Variants in NINJ2 observed in about 807,000 individuals in gnomAD.
The protein encoded by NINJ2 is ninjurin-2.
NINJ2 carries 12 observed loss-of-function variants against 11.7 expected under a neutral mutation model. The ratio of observed to expected loss-of-function variants is 1.02; its 90% CI spans 0.66 to 1.66. The LOEUF (loss-of-function observed/expected upper bound fraction) is 1.66, where lower values mean the gene tolerates loss of function less well. Ranked by LOEUF, NINJ2 falls within the 40% of genes most tolerant of loss-of-function variation. The pLI is 0.00. For missense variants in NINJ2, 187 were observed against 181.8 expected (o/e 1.03, Z -0.16); for synonymous variants, 93 against 76.8 (o/e 1.21, Z -1.10).
At chr12:576,515 G>A (rs1947463536) in intron 1 of NINJ2, among the ~76,000 whole-genome samples, 1 of 152,228 alleles carries the variant, frequency 6.6e-6, no homozygotes, top group Non-Finnish European at 1.5e-5. Context: ...GTTTTCTTGG[G>A]GCAGGCCCTT....
intron 1 of NINJ2, among the ~76,000 whole-genome samples, chr12:630,533 C>G (rs959135146): frequency 6.6e-6 from 1 of 152,102 alleles, no homozygotes; most frequent in East Asian, 1.9e-4. Context: ...GGCCACCACG[C>G]CTGGCTAATT....
intron 1 of NINJ2, among the ~76,000 whole-genome samples, chr12:625,224 C>T (rs577602645): frequency 2.0e-5 from 3 of 151,510 alleles, no homozygotes; most frequent in African/African-American, 4.8e-5. Context: ...GTTGGAGAGA[C>T]AAAGATGAGG....
At chr12:649,130 T>C (rs1375470068) in intron 1 of NINJ2, among the ~76,000 whole-genome samples, 1 of 151,790 alleles carries the variant, frequency 6.6e-6, no homozygotes, top group Non-Finnish European at 1.5e-5. Flanking sequence ...CACTGCAACC[T>C]CCGCCTCCCG....
chr12:610,583 C>T, intron 1 of NINJ2: 1 of 985,316 alleles, frequency 1.0e-6, no homozygotes, highest in Non-Finnish European at 1.2e-6. Flanking sequence ...CTGCTCTGAG[C>T]GACTCTGTTC....
chr12:609,837 G>C (rs1461828599), intron 1 of NINJ2, among the ~76,000 whole-genome samples: 1 of 150,884 alleles, frequency 6.6e-6, no homozygotes, highest in Non-Finnish European at 1.5e-5. Flanking sequence ...AGCTACTGAG[G>C]AGGCTCAGGC....
chr12:581,468 A>G lies in NINJ2; in HGVS notation c.34-15290T>C, dbSNP rs946401810. ...CTGGGCCTGGAACCAGCCTGCCTGGATTGCCTGGCCCTAGGACTCATGCCT... is the reference window on the plus strand; with the variant it reads ...CTGGGCCTGGAACCAGCCTGCCTGGGTTGCCTGGCCCTAGGACTCATGCCT... On this transcript the variant is annotated intron_variant, in intron 1 of 3. Coordinates refer to ENST00000305108, the MANE Select transcript of NINJ2 (RefSeq NM_016533.6). This position sits in a 1 kb window ranked among gnomAD's most constrained non-coding sequence, Gnocchi z 4.9. Among the ~76,000 whole-genome samples the G allele has an allele frequency of 1.3e-5, 2 of 152,114 alleles. No individual in the cohort carries two copies. Among genetic ancestry groups the G allele is most frequent in the Non-Finnish European group, 2.9e-5 (2 of 68,012 alleles).
At chr12:579,128 G>C (rs1280466295) in intron 1 of NINJ2, among the ~76,000 whole-genome samples, 1 of 152,174 alleles carries the variant, frequency 6.6e-6, no homozygotes, top group East Asian at 1.9e-4. Flanking sequence ...TTTCCAAAAG[G>C]TAAGAGTTAT....
At chr12:572,674 AG>A (rs2120801415) in intron 1 of NINJ2, among the ~76,000 whole-genome samples, 1 of 152,260 alleles carries the variant, frequency 6.6e-6, no homozygotes, top group East Asian at 1.9e-4. Flanking sequence ...TGGCTGGCAC[AG>A]GGTTAAACAC....
chr12:594,420 A>G (rs1947756497), intron 1 of NINJ2, among the ~76,000 whole-genome samples: 1 of 152,204 alleles, frequency 6.6e-6, no homozygotes, highest in Non-Finnish European at 1.5e-5. Context: ...ATAAAAATGA[A>G]CTACTTACAT....
At chr12:599,724 A>C (rs1247903030) in intron 1 of NINJ2, among the ~76,000 whole-genome samples, 1 of 152,176 alleles carries the variant, frequency 6.6e-6, no homozygotes, top group African/African-American at 2.4e-5. Context: ...GCAAGTCTGG[A>C]AGTGCGGAGG....
At position 585,192 on chromosome 12, in the gene NINJ2, T is replaced by C. The variant is rs1384513789; in HGVS notation, c.34-19014A>G. ...TTCCACCGCCATGAAATGGAGGCTGTCTCTGCAGTGACCTTCACCTGCCGC... is the reference window on the plus strand; with the variant it reads ...TTCCACCGCCATGAAATGGAGGCTGCCTCTGCAGTGACCTTCACCTGCCGC... On this transcript the variant is annotated intron_variant, in intron 1 of 3. Transcript: ENST00000305108. The surrounding 1 kb of genome is among the most constrained non-coding windows in gnomAD (Gnocchi z 4.1). Among the ~76,000 whole-genome samples the C allele has an allele frequency of 6.6e-6, 1 of 152,236 alleles. No individual in the cohort carries two copies. Among genetic ancestry groups the C allele is most frequent in the Non-Finnish European group, 1.5e-5 (1 of 68,044 alleles).
chr12:620,098 C>T (rs1327139270), intron 1 of NINJ2, among the ~76,000 whole-genome samples: 4 of 152,184 alleles, frequency 2.6e-5, no homozygotes, highest in African/African-American at 9.7e-5. Flanking sequence ...AGCCCTAAAG[C>T]GTCCTTTCAT....
chr12:618,633 CCT>C (rs1948120441), intron 1 of NINJ2, among the ~76,000 whole-genome samples: 1 of 152,194 alleles, frequency 6.6e-6, no homozygotes. Context: ...GGCCCAGGGC[CCT>C]CTCAGTCATG....
At chr12:638,348 T>C (rs958422554) in intron 1 of NINJ2, among the ~76,000 whole-genome samples, 4 of 152,252 alleles carry the variant, frequency 2.6e-5, no homozygotes, top group African/African-American at 9.6e-5. Context: ...ATACGTTGTG[T>C]TGTTATTTCC....
intron 1 of NINJ2, among the ~76,000 whole-genome samples, chr12:626,353 A>C (rs1433925264): frequency 6.6e-6 from 1 of 152,218 alleles, no homozygotes; most frequent in Non-Finnish European, 1.5e-5. Flanking sequence ...AGGTAGTGGG[A>C]GCTAAGAGTT....
chr12:634,617 C>T (rs1948325798), intron 1 of NINJ2, among the ~76,000 whole-genome samples: 1 of 152,098 alleles, frequency 6.6e-6, no homozygotes, highest in Non-Finnish European at 1.5e-5. Flanking sequence ...TCAGTCTCCT[C>T]CCAATCCTGA....
chr12:610,801 T>G (rs1948019351), intron 1 of NINJ2: 1 of 204,168 alleles, frequency 4.9e-6, no homozygotes, highest in African/African-American at 2.5e-5. Context: ...TGGTGCAATC[T>G]CGGCTCACTG....
chr12:643,444 A>C (rs965104733), intron 1 of NINJ2: 2 of 988,178 alleles, frequency 2.0e-6, no homozygotes, highest in African/African-American at 3.5e-5. Context: ...CGCGGCTCAC[A>C]AACTAGGGAG....
In NINJ2 at chr12:614,763, G is replaced by C. The variant is rs1948072088; in HGVS notation, c.33+48565C>G. On this transcript the variant is annotated intron_variant, in intron 1 of 3. Coordinates refer to ENST00000305108, the MANE Select transcript of NINJ2 (RefSeq NM_016533.6). This position sits in a 1 kb window ranked among gnomAD's most constrained non-coding sequence, Gnocchi z 5.1. ...CCTGCCTGTTTTTTGAGCTGTGTTTGCACCCAGAGCTGAGTGTCTGTCTAG... is the reference window on the plus strand; with the variant it reads ...CCTGCCTGTTTTTTGAGCTGTGTTTCCACCCAGAGCTGAGTGTCTGTCTAG... Among the ~76,000 whole-genome samples, 1 of 152,094 alleles carries C rather than the reference G, an allele frequency of 6.6e-6. No homozygotes were observed. Among genetic ancestry groups the C allele is most frequent in the South Asian group, 2.1e-4 (1 of 4,820 alleles).
Sources: allele counts gnomAD v4.1 joint callset (sites outside exome capture counted in the v4.1 genomes callset), GRCh38; gene constraint gnomAD v4.1.1; non-coding constraint Gnocchi (gnomAD v3.1); transcripts MANE v1.5; gene names NCBI Gene and HGNC (gene_info 2026-07-23, HGNC 2026-07-21).